PRKG1: variants seen among roughly 807,000 people sequenced by gnomAD.
PRKG1 encodes cGMP-dependent protein kinase 1.
PRKG1 carries 35 observed loss-of-function variants against 88.1 expected under a neutral mutation model. That is an observed-to-expected ratio of 0.40 (90% confidence interval 0.30 to 0.53). PRKG1 has a LOEUF of 0.53. PRKG1 is among the 20% of genes least tolerant of loss of function. The pLI is 0.59. For missense variants in PRKG1, 540 were observed against 839.8 expected, an observed-to-expected ratio of 0.64 and a Z score of 4.41; for synonymous variants, 303 against 292.5, an observed-to-expected ratio of 1.04 and a Z score of -0.37.
intron 1 of PRKG1, among the ~76,000 whole-genome samples, chr10:51,100,596 ATTTT>A (rs1214157315): frequency 2.0e-5 from 3 of 152,280 alleles, no homozygotes; most frequent in East Asian, 3.9e-4. Context: ...CATAGCCCTT[ATTTT>A]TAATATATCT....
intron 1 of PRKG1, among the ~76,000 whole-genome samples, chr10:51,050,738 A>C (rs987285259): frequency 1.3e-5 from 2 of 152,092 alleles, no homozygotes; most frequent in African/African-American, 4.8e-5. Flanking sequence ...GAACTTCTAA[A>C]CTGTTCTTTA....
intron 7 of PRKG1, among the ~76,000 whole-genome samples, chr10:52,077,400 T>C (rs1344082914): frequency 1.3e-5 from 2 of 152,174 alleles, no homozygotes; most frequent in Non-Finnish European, 2.9e-5. Context: ...CTGCTTTCTG[T>C]CACCATAGAT....
intron 3 of PRKG1, among the ~76,000 whole-genome samples, chr10:51,685,117 TG>T (rs1183448049): frequency 6.6e-6 from 1 of 152,114 alleles, no homozygotes. Flanking sequence ...TTAGTGAAAA[TG>T]ATGCCTAATA....
At chr10:51,861,206 A>G (rs1840864774) in intron 4 of PRKG1, among the ~76,000 whole-genome samples, 1 of 152,246 alleles carries the variant, frequency 6.6e-6, no homozygotes, top group South Asian at 2.1e-4. Context: ...ATGCTTAAAC[A>G]AAGACCGCTG....
intron 1 of PRKG1, among the ~76,000 whole-genome samples, chr10:51,134,744 C>T (rs1409870928): frequency 6.6e-6 from 1 of 152,140 alleles, no homozygotes; most frequent in East Asian, 1.9e-4. Flanking sequence ...TGTATCTAAA[C>T]TACACCGTGG....
intron 3 of PRKG1, among the ~76,000 whole-genome samples, chr10:51,524,858 G>A (rs1170992779): frequency 6.6e-6 from 1 of 152,166 alleles, no homozygotes; most frequent in Non-Finnish European, 1.5e-5. Flanking sequence ...TCACACAAAA[G>A]CTGCTCGTTA....
intron 3 of PRKG1, among the ~76,000 whole-genome samples, chr10:51,476,456 CT>C (rs1452176247): frequency 2.2e-4 from 34 of 152,074 alleles, no homozygotes; most frequent in African/African-American, 8.0e-4. Flanking sequence ...AACAGTCTGC[CT>C]CATTGATAAA....
intron 2 of PRKG1, among the ~76,000 whole-genome samples, chr10:51,293,267 A>T (rs1840631235): frequency 6.6e-6 from 1 of 152,126 alleles, no homozygotes; most frequent in African/African-American, 2.4e-5. Context: ...ACAATACATT[A>T]TTGTTAATTA....
intron 10 of PRKG1, among the ~76,000 whole-genome samples, chr10:52,262,206 C>T (rs919264501): frequency 1.3e-5 from 2 of 151,956 alleles, no homozygotes; most frequent in African/African-American, 2.4e-5. Flanking sequence ...AAATAATTTT[C>T]ACATACACTA....
rs1564472626 is a variant in PRKG1, at chr10:52,109,763, A to AGAAAAAATAAGAAAT, written c.936-24077_936-24076insGAAAAAATAAGAAAT. ...GGGTGACAGAGCCAGACTCCATCTCAAAAAAAAATCTTATCTCAAAAATGA... is the reference window on the plus strand; with the variant it reads ...GGGTGACAGAGCCAGACTCCATCTCAGAAAAAATAAGAAATAAAAAAAATCTTATCTCAAAAATGA... On this transcript the variant is annotated intron_variant, in intron 7 of 17. Coordinates refer to ENST00000373980, the MANE Select transcript of PRKG1 (RefSeq NM_006258.4). Among the ~76,000 whole-genome samples the AGAAAAAATAAGAAAT allele has an allele frequency of 6.0e-4, 91 of 151,516 alleles. 1 individual carries two copies. The highest frequency in any genetic ancestry group is 2.1e-3 in the African/African-American group (86 of 41,206).
chr10:51,244,326 A>G (rs1226335599), intron 2 of PRKG1, among the ~76,000 whole-genome samples: 1 of 93,724 alleles, frequency 1.1e-5, no homozygotes, highest in Non-Finnish European at 2.3e-5. Flanking sequence ...TTTTTTTTTT[A>G]CCATTTATAT....
chr10:52,083,279 G>A (rs970868012), intron 7 of PRKG1, among the ~76,000 whole-genome samples: 1 of 151,974 alleles, frequency 6.6e-6, no homozygotes, highest in African/African-American at 2.4e-5. Flanking sequence ...ATTACATTGA[G>A]CATGGAATCA....
At chr10:52,021,531 C>A (rs1332200005) in intron 5 of PRKG1, among the ~76,000 whole-genome samples, 1 of 152,158 alleles carries the variant, frequency 6.6e-6, no homozygotes, top group African/African-American at 2.4e-5. Context: ...ATTAAGTGAA[C>A]AAGAGCAACT....
At chr10:51,174,309 G>A (rs1039245184) in intron 2 of PRKG1, among the ~76,000 whole-genome samples, 15 of 151,866 alleles carry the variant, frequency 9.9e-5, no homozygotes, top group African/African-American at 3.4e-4. Flanking sequence ...GGGTGCTTGT[G>A]ATCATGAATG....
intron 9 of PRKG1, among the ~76,000 whole-genome samples, chr10:52,175,711 C>A (rs1232007312): frequency 1.3e-5 from 2 of 152,052 alleles, no homozygotes; most frequent in South Asian, 2.1e-4. Context: ...AAAGATACCT[C>A]ATTGTGGTTT....
intron 1 of PRKG1, among the ~76,000 whole-genome samples, chr10:51,107,636 C>G (rs914485454): frequency 5.3e-5 from 8 of 151,700 alleles, no homozygotes; most frequent in African/African-American, 1.9e-4. Context: ...TTGAGAACAG[C>G]AACACAGTGA....
chr10:51,796,629 T>G (rs1839019098), intron 3 of PRKG1, among the ~76,000 whole-genome samples: 1 of 152,058 alleles, frequency 6.6e-6, no homozygotes, highest in African/African-American at 2.4e-5. Context: ...CTGGTTAATT[T>G]TGTGTCAGTT....
intron 5 of PRKG1, among the ~76,000 whole-genome samples, chr10:52,024,494 G>C (rs1053857810): frequency 6.6e-6 from 1 of 150,496 alleles, no homozygotes; most frequent in South Asian, 2.1e-4. Context: ...CCCACCCCAC[G>C]ACAGGCCCCA....
intron 1 of PRKG1, among the ~76,000 whole-genome samples, chr10:51,105,726 TG>T (rs151173755): frequency 0.22 from 33,483 of 152,022 alleles, 3,795 homozygotes; most frequent in Admixed American, 0.27. Flanking sequence ...TTTTAAAAAT[TG>T]ATTCTGAGTC....
Sources: allele counts gnomAD v4.1 joint callset (sites outside exome capture counted in the v4.1 genomes callset), GRCh38; gene constraint gnomAD v4.1.1; transcripts MANE v1.5; gene names NCBI Gene and HGNC (gene_info 2026-07-23, HGNC 2026-07-21).